Variants in PRELID2 observed in about 807,000 individuals in gnomAD.
PRELID2 encodes the protein PRELI domain-containing protein 2.
Under a neutral mutation model 28.4 loss-of-function variants are expected in PRELID2, and 25 were observed. The ratio of observed to expected loss-of-function variants is 0.88; its 90% CI spans 0.64 to 1.23. The LOEUF is 1.23. Among genes scored for constraint, PRELID2 ranks in the 50% most tolerant of loss-of-function variants. The pLI, the probability that PRELID2 is intolerant of heterozygous loss-of-function variation, is 0.00. For missense variants in PRELID2, 201 were observed against 214.4 expected (o/e 0.94, Z 0.39); for synonymous variants, 76 against 71.6 (o/e 1.06, Z -0.31).
At chr5:145,239,728 A>G in the PRELID2 span, among the ~76,000 whole-genome samples, 6 of 152,128 alleles carry the variant, frequency 3.9e-5, no homozygotes, top group Non-Finnish European at 7.4e-5. Context: ...AACCCATAAG[A>G]GTCCTTAAGA....
intron 1 of PRELID2, among the ~76,000 whole-genome samples, chr5:145,529,829 A>G (rs563912470): frequency 2.0e-4 from 31 of 152,328 alleles, no homozygotes; most frequent in African/African-American, 6.0e-4. Flanking sequence ...AGTCTATGTT[A>G]GTATATCTGA....
At chr5:145,312,988 A>G in the PRELID2 span, among the ~76,000 whole-genome samples, 5 of 152,124 alleles carry the variant, frequency 3.3e-5, no homozygotes, top group Admixed American at 2.6e-4. Context: ...ATCTCTATCA[A>G]AATTCAAATA....
intron 1 of PRELID2, among the ~76,000 whole-genome samples, chr5:145,511,955 T>C (rs1371195349): frequency 6.6e-6 from 1 of 151,972 alleles, no homozygotes; most frequent in East Asian, 1.9e-4. Flanking sequence ...GTAAAATTAG[T>C]GAGAAGTAGA....
the PRELID2 span, chr5:145,229,491 T>C: frequency 9.3e-7 from 1 of 1,079,952 alleles, no homozygotes; most frequent in Non-Finnish European, 1.4e-6. Flanking sequence ...ATTCTCAAGA[T>C]CCAATTCAAA....
chr5:145,660,204 G>GT (rs1754466862), intron 1 of PRELID2, among the ~76,000 whole-genome samples: 1 of 152,148 alleles, frequency 6.6e-6, no homozygotes, highest in Non-Finnish European at 1.5e-5. Context: ...CAGCACAGTG[G>GT]TTAAGAGTAT....
intron 1 of PRELID2, among the ~76,000 whole-genome samples, chr5:145,749,263 C>G (rs914931828): frequency 1.3e-5 from 2 of 151,900 alleles, no homozygotes; most frequent in African/African-American, 2.4e-5. Flanking sequence ...GGAACTTAAA[C>G]AAATTTACAA....
chr5:145,336,441 A>G, the PRELID2 span, among the ~76,000 whole-genome samples: 1 of 151,538 alleles, frequency 6.6e-6, no homozygotes, highest in African/African-American at 2.4e-5. Context: ...ATCTTGAATT[A>G]ATTTTTGTAT....
the PRELID2 span, among the ~76,000 whole-genome samples, chr5:145,283,891 T>C: frequency 6.6e-6 from 1 of 152,186 alleles, no homozygotes; most frequent in Non-Finnish European, 1.5e-5. Flanking sequence ...AGCTCTTATA[T>C]AAAATATCTT....
At chr5:145,697,273 T>C (rs2149700321) in intron 1 of PRELID2, among the ~76,000 whole-genome samples, 1 of 152,066 alleles carries the variant, frequency 6.6e-6, no homozygotes, top group African/African-American at 2.4e-5. Context: ...AAGTCTTGCC[T>C]GGAGTGCTAT....
intron 1 of PRELID2, among the ~76,000 whole-genome samples, chr5:145,637,363 T>A (rs1754017472): frequency 6.6e-6 from 1 of 152,178 alleles, no homozygotes; most frequent in South Asian, 2.1e-4. Flanking sequence ...TGCCTGGGAA[T>A]GTTGGAATCA....
At chr5:145,251,211 G>A in the PRELID2 span, among the ~76,000 whole-genome samples, 4 of 152,070 alleles carry the variant, frequency 2.6e-5, no homozygotes, top group African/African-American at 9.7e-5. Flanking sequence ...ATCAGCAGCA[G>A]AGGGCAATGG....
chr5:145,607,516 C>T (rs185864358), intron 1 of PRELID2, among the ~76,000 whole-genome samples: 1 of 152,220 alleles, frequency 6.6e-6, no homozygotes, highest in African/African-American at 2.4e-5. Flanking sequence ...AAAAGTCATT[C>T]AGGAACAGGT....
chr5:145,807,270 C>T (rs1298783102), intron 4 of PRELID2, among the ~76,000 whole-genome samples: 1 of 152,158 alleles, frequency 6.6e-6, no homozygotes, highest in Non-Finnish European at 1.5e-5. Context: ...TCAAAAGCTC[C>T]TACTTATGTC....
chr5:145,353,680 A>G, the PRELID2 span, among the ~76,000 whole-genome samples: 5 of 152,004 alleles, frequency 3.3e-5, no homozygotes, highest in African/African-American at 1.2e-4. Context: ...ATCAGATCTC[A>G]TGAGAACTCA....
At chr5:145,793,278 A>T (rs1211077865) in intron 5 of PRELID2, among the ~76,000 whole-genome samples, 1 of 152,172 alleles carries the variant, frequency 6.6e-6, no homozygotes, top group African/African-American at 2.4e-5. Context: ...TTACAAACAT[A>T]AAAATATAAA....
At chr5:145,461,177 T>C in the PRELID2 span, among the ~76,000 whole-genome samples, 1 of 152,232 alleles carries the variant, frequency 6.6e-6, no homozygotes, top group African/African-American at 2.4e-5. Flanking sequence ...TACCCTTTCT[T>C]TTATTCCATT....
chr5:145,482,624 T>C (rs751255505), intron 1 of PRELID2, among the ~76,000 whole-genome samples: 1 of 152,048 alleles, frequency 6.6e-6, no homozygotes, highest in Admixed American at 6.6e-5. Context: ...GGGAAGGGGA[T>C]GGTTTTGGTA....
At chr5:145,577,995 A>G (rs1049038099) in intron 1 of PRELID2, among the ~76,000 whole-genome samples, 2 of 152,154 alleles carry the variant, frequency 1.3e-5, no homozygotes, top group African/African-American at 4.8e-5. Flanking sequence ...TTCTCAGTGT[A>G]GGGATCCTCC....
At chr5:145,474,262 C>T (rs988499967) in intron 1 of PRELID2, among the ~76,000 whole-genome samples, 1 of 152,188 alleles carries the variant, frequency 6.6e-6, no homozygotes, top group African/African-American at 2.4e-5. Context: ...TTTATTAAAA[C>T]ATTCGTTACA....
Sources: gnomAD v4.1 joint callset for allele counts (sites outside exome capture counted in the v4.1 genomes callset) on GRCh38, gnomAD v4.1.1 for gene constraint, MANE v1.5 for transcripts, NCBI Gene and HGNC (gene_info 2026-07-23, HGNC 2026-07-21) for gene names.